SOX6: variants seen among roughly 807,000 people sequenced by gnomAD.
The protein encoded by SOX6 is transcription factor SOX-6.
Under a neutral mutation model 97.8 loss-of-function variants are expected in SOX6, and 11 were observed. The ratio of observed to expected loss-of-function variants is 0.11; its 90% CI spans 0.07 to 0.19. The LOEUF (loss-of-function observed/expected upper bound fraction) is 0.19, where lower values mean the gene tolerates loss of function less well. Among genes scored for constraint, SOX6 ranks in the 10% least tolerant of loss-of-function variants. SOX6 has a pLI of 1.00. For synonymous variants in SOX6, 360 were observed against 371.4 expected, an observed-to-expected ratio of 0.97 and a Z score of 0.35; for missense variants, 810 against 1,039.5, an observed-to-expected ratio of 0.78 and a Z score of 3.04.
intron 2 of SOX6, among the ~76,000 whole-genome samples, chr11:16,716,551 T>C (rs1848220971): frequency 6.6e-6 from 1 of 152,148 alleles, no homozygotes; most frequent in African/African-American, 2.4e-5. Flanking sequence ...TACAAGCAGT[T>C]TGGAAAACCT....
chr11:16,692,197 A>G (rs545984455), intron 3 of SOX6, among the ~76,000 whole-genome samples: 6 of 151,834 alleles, frequency 4.0e-5, no homozygotes, highest in Non-Finnish European at 8.8e-5. Flanking sequence ...CTCAGCCCCT[A>G]GTAGCTGGGA....
chr11:16,239,006 G>T (rs1024428932), intron 3 of SOX6, among the ~76,000 whole-genome samples: 2 of 151,986 alleles, frequency 1.3e-5, no homozygotes, highest in African/African-American at 4.8e-5. Context: ...CATGACCTTG[G>T]TTTACAATTA....
At chr11:16,422,009 A>G (rs1859029947) in intron 1 of SOX6, among the ~76,000 whole-genome samples, 1 of 152,208 alleles carries the variant, frequency 6.6e-6, no homozygotes, top group Non-Finnish European at 1.5e-5. Context: ...AACTACTTCC[A>G]TGCTGCTGCT....
chr11:16,735,822 G>T (rs182054951), intron 2 of SOX6, among the ~76,000 whole-genome samples: 1 of 152,064 alleles, frequency 6.6e-6, no homozygotes, highest in Non-Finnish European at 1.5e-5. Context: ...AAGGCCCTAG[G>T]AATTTTTTTT....
intron 3 of SOX6, among the ~76,000 whole-genome samples, chr11:16,694,934 A>T (rs1002648739): frequency 1.3e-5 from 2 of 152,228 alleles, no homozygotes; most frequent in African/African-American, 4.8e-5. Flanking sequence ...TAGCATTTAC[A>T]TTGTATTAGG....
chr11:16,579,010 C>T (rs1019493949), intron 4 of SOX6, among the ~76,000 whole-genome samples: 3 of 151,954 alleles, frequency 2.0e-5, no homozygotes, highest in Non-Finnish European at 2.9e-5. Flanking sequence ...CTAATTTAAC[C>T]AAAGTTTGTC....
intron 3 of SOX6, among the ~76,000 whole-genome samples, chr11:16,254,887 C>T (rs1467562200): frequency 3.3e-5 from 5 of 151,774 alleles, no homozygotes; most frequent in Non-Finnish European, 7.4e-5. Flanking sequence ...TAGGAAACCA[C>T]TTTACATATA....
intron 4 of SOX6, among the ~76,000 whole-genome samples, chr11:16,588,753 G>T (rs766803751): frequency 3.9e-5 from 6 of 152,188 alleles, no homozygotes; most frequent in Non-Finnish European, 8.8e-5. Flanking sequence ...ACTAGGCCAG[G>T]CACCATGGCT....
intron 4 of SOX6, among the ~76,000 whole-genome samples, chr11:16,505,166 G>C (rs1412082847): frequency 6.6e-6 from 1 of 152,220 alleles, no homozygotes; most frequent in Non-Finnish European, 1.5e-5. Context: ...ACTTTCTAGA[G>C]ACTTGTTGAA....
chr11:16,285,575 T>A (rs1046832875), intron 3 of SOX6, among the ~76,000 whole-genome samples: 10 of 152,072 alleles, frequency 6.6e-5, no homozygotes, highest in Non-Finnish European at 1.2e-4. Context: ...AGAAGGAATT[T>A]AAAAAATTTT....
At chr11:16,534,433 T>C (rs1001874352) in intron 4 of SOX6, among the ~76,000 whole-genome samples, 3 of 152,130 alleles carry the variant, frequency 2.0e-5, no homozygotes, top group Non-Finnish European at 2.9e-5. Context: ...TTGCCTTGTA[T>C]ATAAAATGAA....
At chr11:15,987,890 A>G (rs910075119) in intron 14 of SOX6, among the ~76,000 whole-genome samples, 1 of 152,136 alleles carries the variant, frequency 6.6e-6, no homozygotes, top group African/African-American at 2.4e-5. Flanking sequence ...AAAGAAAAAC[A>G]TATTTAACAT....
At chr11:16,031,466 T>A (rs189412584) in intron 12 of SOX6, 1 of 152,314 alleles carries the variant, frequency 6.6e-6, no homozygotes, top group Admixed American at 6.5e-5. Flanking sequence ...TTAATTCTTA[T>A]GCGGCTTTAG....
At chr11:16,571,168 C>A (rs1027442593) in intron 4 of SOX6, among the ~76,000 whole-genome samples, 1 of 152,042 alleles carries the variant, frequency 6.6e-6, no homozygotes, top group African/African-American at 2.4e-5. Context: ...AAAATAAAAA[C>A]AAAACAAAAA....
At chr11:16,333,510 C>T (rs1214673077) in intron 2 of SOX6, among the ~76,000 whole-genome samples, 1 of 151,934 alleles carries the variant, frequency 6.6e-6, no homozygotes, top group Non-Finnish European at 1.5e-5. Flanking sequence ...GAAACATGCT[C>T]ATAGAGTTCT....
intron 3 of SOX6, chr11:16,311,113 GA>G (rs1055201158): frequency 3.3e-5 from 5 of 152,080 alleles, no homozygotes; most frequent in African/African-American, 1.2e-4. Flanking sequence ...CAAATAGCCT[GA>G]AAAGAGAGTT....
At chr11:16,380,075 CA>C (rs1390637835) in intron 1 of SOX6, among the ~76,000 whole-genome samples, 4 of 151,552 alleles carry the variant, frequency 2.6e-5, no homozygotes, top group Non-Finnish European at 5.9e-5. Context: ...ATCTTCAATA[CA>C]AAAAGTGTAT....
intron 3 of SOX6, among the ~76,000 whole-genome samples, chr11:16,708,481 T>C (rs1848153470): frequency 6.6e-6 from 1 of 152,184 alleles, no homozygotes; most frequent in African/African-American, 2.4e-5. Context: ...TTTAAAAATA[T>C]ACCTACATTT....
chr11:16,072,407 AAAG>A (rs1213390708), intron 9 of SOX6, among the ~76,000 whole-genome samples: 1 of 152,136 alleles, frequency 6.6e-6, no homozygotes, highest in Non-Finnish European at 1.5e-5. Flanking sequence ...AATAAATAAT[AAAG>A]AAGAATGAAT....
Sources: gnomAD v4.1 joint callset for allele counts (sites outside exome capture counted in the v4.1 genomes callset) on GRCh38, gnomAD v4.1.1 for gene constraint, MANE v1.5 for transcripts, NCBI Gene and HGNC (gene_info 2026-07-23, HGNC 2026-07-21) for gene names.